Variants in GPM6A observed in about 807,000 individuals in gnomAD.
GPM6A encodes the protein neuronal membrane glycoprotein M6-a.
GPM6A carries 7 observed loss-of-function variants against 32.1 expected under a neutral mutation model. The ratio of observed to expected loss-of-function variants is 0.22; its 90% CI spans 0.12 to 0.41. The LOEUF (loss-of-function observed/expected upper bound fraction) is 0.41. GPM6A is among the 10% of genes least tolerant of loss of function. The probability of loss-of-function intolerance (pLI) is 1.00; values close to 1 mark genes in which losing one functional copy is unlikely to be tolerated. For missense variants in GPM6A, 235 were observed against 347.2 expected (o/e 0.68, Z 2.57); for synonymous variants, 130 against 123.4 (o/e 1.05, Z -0.35).
At chr4:175,827,255 A>G (rs1004083867) in intron 1 of GPM6A, among the ~76,000 whole-genome samples, 11 of 152,246 alleles carry the variant, frequency 7.2e-5, no homozygotes, top group African/African-American at 2.7e-4. Flanking sequence ...TGTCAACTAT[A>G]TTTAGTAGCT....
chr4:175,815,686 T>C (rs1560948317), upstream of GPM6A, among the ~76,000 whole-genome samples: 1 of 150,740 alleles, frequency 6.6e-6, no homozygotes, highest in Admixed American at 6.6e-5. Flanking sequence ...ACAGTCCTCA[T>C]CACTACAAAT....
At chr4:175,825,049 A>G (rs1268392827) in intron 1 of GPM6A, among the ~76,000 whole-genome samples, 1 of 152,268 alleles carries the variant, frequency 6.6e-6, no homozygotes, top group African/African-American at 2.4e-5. Context: ...GTAGGATGCC[A>G]GTATAAATTT....
intron 1 of GPM6A, among the ~76,000 whole-genome samples, chr4:175,957,516 G>T (rs1208349733): frequency 1.5e-5 from 2 of 137,650 alleles, no homozygotes; most frequent in Admixed American, 7.8e-5. Flanking sequence ...TGAACAATGA[G>T]AACACATGGA....
chr4:175,909,622 T>C (rs761470876), intron 1 of GPM6A, among the ~76,000 whole-genome samples: 9 of 152,166 alleles, frequency 5.9e-5, no homozygotes, highest in African/African-American at 9.7e-5. Flanking sequence ...ATGTGGCATA[T>C]TACTTATGGT....
At chr4:175,801,685 G>A (rs1734477905) in intron 1 of GPM6A, among the ~76,000 whole-genome samples, 1 of 151,936 alleles carries the variant, frequency 6.6e-6, no homozygotes, top group Admixed American at 6.6e-5. Context: ...ATGCCTGGGG[G>A]GACACAGGCA....
intron 1 of GPM6A, among the ~76,000 whole-genome samples, chr4:175,818,349 T>C (rs1192235149): frequency 6.6e-6 from 1 of 152,228 alleles, no homozygotes; most frequent in African/African-American, 2.4e-5. Flanking sequence ...CAGGCAAAAC[T>C]TTTTCAAGAG....
chr4:175,941,257 A>C (rs1236412802), intron 1 of GPM6A, among the ~76,000 whole-genome samples: 1 of 152,176 alleles, frequency 6.6e-6, no homozygotes, highest in Non-Finnish European at 1.5e-5. Flanking sequence ...TTTTGGAGAG[A>C]AAAAATTGTT....
intron 1 of GPM6A, among the ~76,000 whole-genome samples, chr4:175,854,071 A>C (rs900212617): frequency 9.9e-5 from 15 of 152,260 alleles, no homozygotes; most frequent in African/African-American, 3.6e-4. Context: ...GGTAAACTGA[A>C]ATTTTTGAAA....
chr4:175,722,429 T>G (rs1746186727), intron 1 of GPM6A, among the ~76,000 whole-genome samples: 1 of 152,166 alleles, frequency 6.6e-6, no homozygotes, highest in South Asian at 2.1e-4. Context: ...ATCTCTGGAA[T>G]GCCATGCTGA....
At chr4:175,867,569 G>T (rs1445515623) in intron 1 of GPM6A, among the ~76,000 whole-genome samples, 2 of 151,960 alleles carry the variant, frequency 1.3e-5, no homozygotes, top group Non-Finnish European at 1.5e-5. Context: ...TATTTATGTG[G>T]GGCTATTTCT....
rs35210127 is a variant in GPM6A at position 175,889,518 on chromosome 4, C to CAAAAAAAAAAAAAAAA, written c.-22-77270_-22-77269insTTTTTTTTTTTTTTTT. Among the ~76,000 whole-genome samples, 339 of 136,836 alleles carry CAAAAAAAAAAAAAAAA rather than the reference C, an allele frequency of 2.5e-3. 4 individuals carry two copies. The highest frequency in any genetic ancestry group is 8.7e-3 in the African/African-American group (305 of 34,928). The allele number at this position is 136,836 out of a possible 152,430, so 89.8% of individuals were successfully genotyped here. A position where few individuals can be genotyped will look rare whatever the true frequency, so the allele number is the denominator to read the frequency against. Reference sequence around the variant, plus strand: ...GAGTGACAGAGCAAAACCCTGTCTCCAAAAAAAAAAAAAGAGGCCAGGCGC... The same window carrying CAAAAAAAAAAAAAAAA: ...GAGTGACAGAGCAAAACCCTGTCTCCAAAAAAAAAAAAAAAAAAAAAAAAAAAAAGAGGCCAGGCGC... On this transcript the variant is annotated intron_variant, in intron 1 of 7. Transcript: ENST00000280187.
intron 4 of GPM6A, among the ~76,000 whole-genome samples, chr4:175,646,805 TGA>T (rs1741486822): frequency 6.6e-6 from 1 of 152,142 alleles, no homozygotes; most frequent in Non-Finnish European, 1.5e-5. Context: ...ATCTAGACAA[TGA>T]GATGCCAGAC....
intron 1 of GPM6A, among the ~76,000 whole-genome samples, chr4:175,927,413 C>T (rs1486137935): frequency 6.6e-6 from 1 of 152,182 alleles, no homozygotes; most frequent in Non-Finnish European, 1.5e-5. Context: ...TTTTTAATAG[C>T]TAGAAGAGAC....
At chr4:175,874,938 A>T (rs945700540) in intron 1 of GPM6A, among the ~76,000 whole-genome samples, 2 of 152,174 alleles carry the variant, frequency 1.3e-5, no homozygotes, top group Non-Finnish European at 2.9e-5. Context: ...AACACGCCTC[A>T]GTTTCGTTTT....
chr4:175,808,962 C>T (rs971470533), intron 1 of GPM6A, among the ~76,000 whole-genome samples: 2 of 152,108 alleles, frequency 1.3e-5, no homozygotes, highest in African/African-American at 4.8e-5. Context: ...TTCTTTTTAT[C>T]TCTATACAGT....
At chr4:175,850,577 A>T (rs1239396992) in intron 1 of GPM6A, among the ~76,000 whole-genome samples, 1 of 152,168 alleles carries the variant, frequency 6.6e-6, no homozygotes, top group Non-Finnish European at 1.5e-5. Context: ...TTCAGGAAAG[A>T]GTCTGGGTGA....
chr4:175,799,996 C>T (rs995746571), intron 1 of GPM6A, among the ~76,000 whole-genome samples: 1 of 94,800 alleles, frequency 1.1e-5, no homozygotes, highest in African/African-American at 4.6e-5. Flanking sequence ...TTTTTTCATT[C>T]AACTTGTGGA....
chr4:175,664,385 G>A (rs1742616813), intron 3 of GPM6A, among the ~76,000 whole-genome samples: 1 of 152,170 alleles, frequency 6.6e-6, no homozygotes, highest in African/African-American at 2.4e-5. Context: ...TGTAACAAAT[G>A]TACCACTCTG....
chr4:175,878,824 C>G (rs952938030), intron 1 of GPM6A, among the ~76,000 whole-genome samples: 2 of 152,166 alleles, frequency 1.3e-5, no homozygotes, highest in Non-Finnish European at 2.9e-5. Flanking sequence ...CATCACCAGG[C>G]AGCAAATTTT....
Sources: gnomAD v4.1 joint callset for allele counts (sites outside exome capture counted in the v4.1 genomes callset) on GRCh38, gnomAD v4.1.1 for gene constraint, MANE v1.5 for transcripts, NCBI Gene and HGNC (gene_info 2026-07-23, HGNC 2026-07-21) for gene names.